Variants in KLF8 observed in about 807,000 individuals in gnomAD.
The protein encoded by KLF8 is Krueppel-like factor 8.
A neutral mutation model predicts 18.2 loss-of-function variants in KLF8; 10 were observed. The ratio of observed to expected loss-of-function variants is 0.55; its 90% CI spans 0.34 to 0.93. The LOEUF is 0.93. Ranked by LOEUF, KLF8 falls within the 40% of genes least tolerant of loss-of-function variation. The pLI, the probability that KLF8 is intolerant of heterozygous loss-of-function variation, is 0.02. For missense variants in KLF8, 264 were observed against 277.9 expected (o/e 0.95, Z 0.36); for synonymous variants, 109 against 97.3 (o/e 1.12, Z -0.71).
At chrX:56,120,612 G>T in the KLF8 span, among the ~76,000 whole-genome samples, 1 of 111,576 alleles carries the variant, frequency 9.0e-6, no homozygotes, top group African/African-American at 3.3e-5. Flanking sequence ...CTTGGGATGA[G>T]TGTTATTGCT....
At position 56,290,786 on chromosome X, in the gene KLF8, G is replaced by T. The variant is rs980938930; in HGVS notation, c.*6292G>T. On this transcript the variant is annotated 3_prime_UTR_variant, in exon 6 of 6. Coordinates refer to ENST00000468660, the MANE Select transcript of KLF8 (RefSeq NM_007250.5). ...GTAGGGTGGTTGGGGGTGGGAGTGG[G>T]TTGGAAGAGGATGGGATTTATACCA... 9.0e-6 allele frequency among the ~76,000 whole-genome samples: 1 copy of T among 111,383 alleles called. No homozygotes were observed. The highest frequency in any genetic ancestry group is 1.9e-5 in the Non-Finnish European group (1 of 53,022).
At chrX:55,955,234 G>GA in the KLF8 span, among the ~76,000 whole-genome samples, 1 of 111,166 alleles carries the variant, frequency 9.0e-6, no homozygotes, top group Non-Finnish European at 1.9e-5. Context: ...GAATCTGGGT[G>GA]AAAAAATTAT....
At chrX:56,247,554 T>C (rs746464866) in intron 1 of KLF8, among the ~76,000 whole-genome samples, 55 of 112,329 alleles carry the variant, frequency 4.9e-4, no homozygotes, top group Non-Finnish European at 9.6e-4. Context: ...AAATATTTTA[T>C]TTCTTTGTAT....
At chrX:56,180,456 A>C in the KLF8 span, among the ~76,000 whole-genome samples, 32 of 109,314 alleles carry the variant, frequency 2.9e-4, no homozygotes, top group African/African-American at 1.0e-3. Context: ...TTGTGTCTCT[A>C]TCTCCTTCAG....
At chrX:56,020,113 A>G in the KLF8 span, among the ~76,000 whole-genome samples, 4 of 112,062 alleles carry the variant, frequency 3.6e-5, no homozygotes, top group African/African-American at 1.3e-4. Context: ...TAGTTATTAT[A>G]TCCCTTATTC....
chrX:56,193,757 C>T, the KLF8 span, among the ~76,000 whole-genome samples: 1 of 111,289 alleles, frequency 9.0e-6, no homozygotes, highest in South Asian at 3.8e-4. Context: ...TTTATGGGAA[C>T]TAAAAATTGA....
the KLF8 span, among the ~76,000 whole-genome samples, chrX:55,987,546 C>A: frequency 8.9e-6 from 1 of 111,970 alleles, no homozygotes; most frequent in African/African-American, 3.2e-5. Flanking sequence ...TTTTTTATGG[C>A]TGCATAGTAT....
At chrX:56,147,437 G>A in the KLF8 span, among the ~76,000 whole-genome samples, 2 of 111,235 alleles carry the variant, frequency 1.8e-5, no homozygotes, top group African/African-American at 6.5e-5. Context: ...GAAATCTGAT[G>A]GGATTTGTGC....
chrX:56,165,104 A>C, the KLF8 span, among the ~76,000 whole-genome samples: 1 of 109,183 alleles, frequency 9.2e-6, no homozygotes. Flanking sequence ...ATGGCTGCAT[A>C]GTATTCCATG....
the KLF8 span, among the ~76,000 whole-genome samples, chrX:56,170,823 T>A: frequency 9.0e-6 from 1 of 111,340 alleles, no homozygotes; most frequent in South Asian, 3.7e-4. Context: ...AGTATACAAG[T>A]ACAAATAGGC....
the KLF8 span, among the ~76,000 whole-genome samples, chrX:56,081,938 T>C: frequency 2.7e-5 from 3 of 111,887 alleles, no homozygotes; most frequent in South Asian, 7.4e-4. Flanking sequence ...TTAATCTTAT[T>C]TTGATTTGAG....
In KLF8 at chrX:56,286,060, C is replaced by G. The variant is rs1405193791; in HGVS notation, c.*1566C>G. The G allele has an allele frequency of 9.0e-6, 1 of 111,576 alleles. No homozygotes were observed. The highest frequency in any genetic ancestry group is 1.9e-5 in the Non-Finnish European group (1 of 53,140). The allele number at this position is 111,576 out of a possible 1,213,427, so 9.2% of individuals were successfully genotyped here. On this transcript the variant is annotated 3_prime_UTR_variant, in exon 6 of 6. Coordinates refer to ENST00000468660, the MANE Select transcript of KLF8 (RefSeq NM_007250.5). ...AGTCCTATCCATCCCTCATATTTTA[C>G]AGATGAGACAAATACGGGTCAGATT... is the stretch of plus-strand genomic sequence containing the variant.
the KLF8 span, among the ~76,000 whole-genome samples, chrX:56,209,660 C>A: frequency 9.0e-6 from 1 of 111,345 alleles, no homozygotes; most frequent in Non-Finnish European, 1.9e-5. Context: ...ACTTACTTTG[C>A]TATTTTATTA....
chrX:56,055,828 G>A, the KLF8 span, among the ~76,000 whole-genome samples: 1 of 111,037 alleles, frequency 9.0e-6, no homozygotes, highest in Admixed American at 9.6e-5. Context: ...AAAGCTCTGA[G>A]ATTCTTTCCT....
At chrX:56,169,322 G>T in the KLF8 span, among the ~76,000 whole-genome samples, 2 of 111,570 alleles carry the variant, frequency 1.8e-5, no homozygotes, top group Non-Finnish European at 3.8e-5. Flanking sequence ...GGAGGGAAAA[G>T]TAAAGGGGAC....
At chrX:56,083,175 C>T in the KLF8 span, among the ~76,000 whole-genome samples, 1 of 111,813 alleles carries the variant, frequency 8.9e-6, no homozygotes, top group Non-Finnish European at 1.9e-5. Flanking sequence ...TTGATGGTGT[C>T]CCCTAAGTCC....
upstream of KLF8, among the ~76,000 whole-genome samples, chrX:56,229,052 C>T (rs1265329683): frequency 1.8e-5 from 2 of 110,706 alleles, no homozygotes; most frequent in Non-Finnish European, 3.8e-5. Flanking sequence ...TCAGGCCCAG[C>T]TTCTCAAGCC....
the KLF8 span, among the ~76,000 whole-genome samples, chrX:55,933,813 A>C: frequency 9.0e-6 from 1 of 111,560 alleles, no homozygotes. Context: ...TCTCCTTTCT[A>C]CTTACCAAGT....
chrX:56,213,314 C>CTTTTCT, the KLF8 span, among the ~76,000 whole-genome samples: 18 of 12,007 alleles, frequency 1.5e-3, no homozygotes, highest in Non-Finnish European at 2.8e-3. Flanking sequence ...CTTTTCTTTT[C>CTTTTCT]TTTTTTTTTT....
Sources: gnomAD v4.1 joint callset for allele counts (sites outside exome capture counted in the v4.1 genomes callset) on GRCh38, gnomAD v4.1.1 for gene constraint, MANE v1.5 for transcripts, NCBI Gene and HGNC (gene_info 2026-07-23, HGNC 2026-07-21) for gene names.